ANKRD46: variants seen among roughly 807,000 people sequenced by gnomAD.
ANKRD46 encodes the protein ankyrin repeat domain-containing protein 46.
ANKRD46 carries 13 observed loss-of-function variants against 19.8 expected under a neutral mutation model. The observed-to-expected ratio is 0.66, with a 90% CI of 0.43 to 1.04. ANKRD46 has a LOEUF of 1.04. Ranked by LOEUF, ANKRD46 falls within the 50% of genes least tolerant of loss-of-function variation. The pLI is 0.00. For synonymous variants in ANKRD46, 91 were observed against 106.9 expected (o/e 0.85, Z 0.92); for missense variants, 185 against 274.8 (o/e 0.67, Z 2.31).
chr8:100,532,349 G>A lies in ANKRD46; in HGVS notation c.-28+860C>T, dbSNP rs989841750. The A allele has an allele frequency of 2.0e-5, 3 of 152,016 alleles. No individual in the cohort carries two copies. The highest frequency in any genetic ancestry group is 4.4e-5 in the Non-Finnish European group (3 of 68,006). 9.4% of individuals were successfully genotyped at this position (152,016 alleles called of 1,614,324 possible). A position where few individuals can be genotyped will look rare whatever the true frequency, so the allele number is the denominator to read the frequency against. ...CCAGGCATGGTGGCGCGCGCCTTTCGTCCCACCTGTTCGGGACGCTGAGGT... is the reference window on the plus strand; with the variant it reads ...CCAGGCATGGTGGCGCGCGCCTTTCATCCCACCTGTTCGGGACGCTGAGGT... On this transcript the variant is annotated intron_variant, in intron 2 of 4. Coordinates refer to ENST00000335659, the MANE Select transcript of ANKRD46 (RefSeq NM_001270377.2). This position sits in a 1 kb window ranked among gnomAD's most constrained non-coding sequence, Gnocchi z 4.7.
In ANKRD46 at chr8:100,536,057, T is replaced by A. The variant is rs1362051758; in HGVS notation, c.-130-2746A>T. On this transcript the variant is annotated intron_variant, in intron 1 of 4. Coordinates refer to ENST00000335659, the MANE Select transcript of ANKRD46 (RefSeq NM_001270377.2). The surrounding 1 kb of genome is among the most constrained non-coding windows in gnomAD (Gnocchi z 4.9). ...GTGTCAGGTTATTTATGGAAGAACC[T>A]GTAGGACCAAGCATTTGCAAGGGCA... Among the ~76,000 whole-genome samples, 3 of 152,086 alleles carry A rather than the reference T, an allele frequency of 2.0e-5. No homozygotes were observed. The highest frequency in any genetic ancestry group is 6.5e-5 in the Admixed American group (1 of 15,274).
chr8:100,539,452 A>C (rs1321872345), intron 1 of ANKRD46, among the ~76,000 whole-genome samples: 1 of 152,244 alleles, frequency 6.6e-6, no homozygotes, highest in African/African-American at 2.4e-5. Context: ...TTATAAGCAG[A>C]ATCTTCTGAA....
At position 100,543,652 on chromosome 8, in the gene ANKRD46, C is replaced by T. The variant is rs1812218251; in HGVS notation, c.-130-10341G>A. Among the ~76,000 whole-genome samples the T allele has an allele frequency of 6.6e-6, 1 of 152,076 alleles. No homozygotes were observed. Among genetic ancestry groups the T allele is most frequent in the East Asian group, 1.9e-4 (1 of 5,200 alleles). The stretch of plus-strand genomic sequence containing the variant: ...TTTTTAAATAAATAAATTACACTCT[C>T]AGGATTGACGAGCTTTGGATTTGGG... On this transcript the variant is annotated intron_variant, in intron 1 of 4. Transcript: ENST00000335659. The surrounding 1 kb of genome is among the most constrained non-coding windows in gnomAD (Gnocchi z 4.2).
chr8:100,555,120 G>A (rs1175516265), intron 1 of ANKRD46, among the ~76,000 whole-genome samples: 1 of 151,608 alleles, frequency 6.6e-6, no homozygotes, highest in East Asian at 1.9e-4. Flanking sequence ...CATCACAATA[G>A]TGTCTTTTAT....
At chr8:100,547,838 T>A (rs1318018447) in intron 1 of ANKRD46, among the ~76,000 whole-genome samples, 1 of 152,210 alleles carries the variant, frequency 6.6e-6, no homozygotes, top group East Asian at 1.9e-4. Flanking sequence ...TTGACACTGC[T>A]TTCACTCTTA....
At chr8:100,517,350 T>G (rs1811650842), downstream of ANKRD46, among the ~76,000 whole-genome samples, 1 of 152,234 alleles carries the variant, frequency 6.6e-6, no homozygotes, top group African/African-American at 2.4e-5. Flanking sequence ...CAGCCACAGG[T>G]GGCAAGTGGC....
At chr8:100,540,141 C>T (rs1812147753) in intron 1 of ANKRD46, among the ~76,000 whole-genome samples, 1 of 151,882 alleles carries the variant, frequency 6.6e-6, no homozygotes, top group Non-Finnish European at 1.5e-5. Context: ...TCATTTAATC[C>T]TCATAGAAAC....
At position 100,544,424 on chromosome 8, in the gene ANKRD46, T is replaced by C. The variant is rs1005779869; in HGVS notation, c.-130-11113A>G. The stretch of plus-strand genomic sequence containing the variant: ...GGATCAAATCTCAGTGTCAGGATTC[T>C]GCTAACCCCAAAGTACAACTTGCTC... On this transcript the variant is annotated intron_variant, in intron 1 of 4. Coordinates refer to ENST00000335659, the MANE Select transcript of ANKRD46 (RefSeq NM_001270377.2). The surrounding 1 kb of genome is among the most constrained non-coding windows in gnomAD (Gnocchi z 4.4). Among the ~76,000 whole-genome samples, 11 of 152,244 alleles carry C rather than the reference T, an allele frequency of 7.2e-5. No individual in the cohort carries two copies. Among genetic ancestry groups the C allele is most frequent in the African/African-American group, 2.7e-4 (11 of 41,470 alleles).
At chr8:100,539,337 G>A (rs1159770656) in intron 1 of ANKRD46, among the ~76,000 whole-genome samples, 1 of 152,174 alleles carries the variant, frequency 6.6e-6, no homozygotes, top group Non-Finnish European at 1.5e-5. Context: ...TTTAAAAAAG[G>A]AAAAGAGTTG....
At chr8:100,553,535 G>A (rs1285467058) in intron 1 of ANKRD46, among the ~76,000 whole-genome samples, 1 of 152,138 alleles carries the variant, frequency 6.6e-6, no homozygotes, top group East Asian at 1.9e-4. Flanking sequence ...GATCACTTGA[G>A]GTCAGGAGTT....
intron 4 of ANKRD46, 93 bp from the exon 5 acceptor site, chr8:100,522,864 TACACACACACACAC>T (rs199938933): frequency 5.4e-5 from 32 of 594,264 alleles, no homozygotes; most frequent in East Asian, 3.9e-4. Flanking sequence ...AAAGACCAAA[TACACACACACACAC>T]ACACACACAC....
At chr8:100,515,049 G>C (rs1321072628) in intron 5 of ANKRD46, among the ~76,000 whole-genome samples, 2 of 152,170 alleles carry the variant, frequency 1.3e-5, no homozygotes, top group Non-Finnish European at 2.9e-5. Context: ...ATACCTTGAA[G>C]ACATCTCTGG....
At position 100,521,869 on chromosome 8, in the gene ANKRD46, A is replaced by G. The variant is rs890393043; in HGVS notation, c.*686T>C. 2.0e-6 allele frequency: 2 copies of G among 984,956 alleles called. No individual in the cohort carries two copies. The highest frequency in any genetic ancestry group is 2.3e-4 in the East Asian group (2 of 8,834). 61.0% of individuals were successfully genotyped at this position (984,956 alleles called of 1,614,324 possible). A position where few individuals can be genotyped will look rare whatever the true frequency, so the allele number is the denominator to read the frequency against. ...GAAAGTGAACAAAATGAACTCATTT[A>G]TTTTTCACAGATATTAACAAGCAAA... On this transcript the variant is annotated 3_prime_UTR_variant, in exon 5 of 5. Transcript: ENST00000335659.
Position 100,522,451 on chromosome 8 carries a change from T to G in ANKRD46, c.*104A>C, listed in dbSNP as rs896015562. Reference sequence around the variant, plus strand: ...TAATTAAAAATGCAAAAAGAACATGTACTGCCCTCACTGCTTTGCGCTAAG... The same window carrying G: ...TAATTAAAAATGCAAAAAGAACATGGACTGCCCTCACTGCTTTGCGCTAAG... On this transcript the variant is annotated 3_prime_UTR_variant, in exon 5 of 5. Coordinates refer to ENST00000335659, the MANE Select transcript of ANKRD46 (RefSeq NM_001270377.2). The G allele has an allele frequency of 5.7e-5, 86 of 1,506,956 alleles. No individual in the cohort carries two copies. Among genetic ancestry groups the G allele is most frequent in the Non-Finnish European group, 7.3e-5 (83 of 1,131,100 alleles). The allele number at this position is 1,506,956 out of a possible 1,614,324, so 93.3% of individuals were successfully genotyped here. A position where few individuals can be genotyped will look rare whatever the true frequency, so the allele number is the denominator to read the frequency against.
rs528917610 is a variant in ANKRD46, at chr8:100,536,003, T to C, written c.-130-2692A>G. 1.3e-5 allele frequency among the ~76,000 whole-genome samples: 2 copies of C among 152,048 alleles called. No homozygotes were observed. The highest frequency in any genetic ancestry group is 3.9e-4 in the East Asian group (2 of 5,172). ...CTATTTCCCCCATTCAAGAAGAATG[T>C]AAGGTCATCTTTGGAGTCATGTGTC... On this transcript the variant is annotated intron_variant, in intron 1 of 4. Coordinates refer to ENST00000335659, the MANE Select transcript of ANKRD46 (RefSeq NM_001270377.2). This position sits in a 1 kb window ranked among gnomAD's most constrained non-coding sequence, Gnocchi z 4.9.
chr8:100,513,245 G>A (rs1811577224), intron 5 of ANKRD46, among the ~76,000 whole-genome samples: 1 of 152,152 alleles, frequency 6.6e-6, no homozygotes, highest in Non-Finnish European at 1.5e-5. Context: ...ACCATGGACG[G>A]CATAATAGTT....
intron 1 of ANKRD46, among the ~76,000 whole-genome samples, chr8:100,541,905 T>C (rs1211461460): frequency 1.3e-5 from 2 of 152,182 alleles, no homozygotes; most frequent in African/African-American, 4.8e-5. Context: ...CACAGTAACA[T>C]GCTGTATAGG....
Position 100,537,604 on chromosome 8 carries a change from C to T in ANKRD46, c.-130-4293G>A, listed in dbSNP as rs1447647187. On this transcript the variant is annotated intron_variant, in intron 1 of 4. Coordinates refer to ENST00000335659, the MANE Select transcript of ANKRD46 (RefSeq NM_001270377.2). This position sits in a 1 kb window ranked among gnomAD's most constrained non-coding sequence, Gnocchi z 4.2. The stretch of plus-strand genomic sequence containing the variant: ...AAATTTCCAATGAAGTCATTAAATC[C>T]TAACTGCTAGTACTTTAAAATTACT... Among the ~76,000 whole-genome samples the T allele has an allele frequency of 2.0e-5, 3 of 152,114 alleles. No homozygotes were observed. The highest frequency in any genetic ancestry group is 7.2e-5 in the African/African-American group (3 of 41,426).
Position 100,510,336 on chromosome 8 carries a change from T to C in ANKRD46, c.*241A>G. 1 of 410,786 alleles carries C rather than the reference T, an allele frequency of 2.4e-6. No homozygotes were observed. The highest frequency in any genetic ancestry group is 4.3e-6 in the Non-Finnish European group (1 of 232,150). 25.4% of individuals were successfully genotyped at this position (410,786 alleles called of 1,614,324 possible). On this transcript the variant is annotated 3_prime_UTR_variant, in exon 6 of 6. Coordinates refer to the ANKRD46 transcript ENST00000520552. The surrounding 1 kb of genome is among the most constrained non-coding windows in gnomAD (Gnocchi z 4.9). The stretch of plus-strand genomic sequence containing the variant: ...CGGAGGAGGGGATGGTTCCTGGAGC[T>C]CCATCTTGAGGATCTGGGAGGCCAG...
Sources: allele counts gnomAD v4.1 joint callset (sites outside exome capture counted in the v4.1 genomes callset), GRCh38; gene constraint gnomAD v4.1.1; non-coding constraint Gnocchi (gnomAD v3.1); transcripts MANE v1.5; gene names NCBI Gene and HGNC (gene_info 2026-07-23, HGNC 2026-07-21).